Variants in SORCS3 observed in about 807,000 individuals in gnomAD.
SORCS3 encodes the protein VPS10 domain-containing receptor SorCS3.
A neutral mutation model predicts 146.3 loss-of-function variants in SORCS3; 57 were observed. That is an observed-to-expected ratio of 0.39 (90% confidence interval 0.31 to 0.49). The LOEUF (loss-of-function observed/expected upper bound fraction) is 0.49, where lower values mean the gene tolerates loss of function less well. SORCS3 is among the 20% of genes least tolerant of loss of function. SORCS3 has a pLI of 0.92. For synonymous variants in SORCS3, 653 were observed against 618.5 expected (o/e 1.06, Z -0.83); for missense variants, 1,341 against 1,575.5 (o/e 0.85, Z 2.52).
At position 104,957,602 on chromosome 10, in the gene SORCS3, A is replaced by C. The variant is rs1025525118; in HGVS notation, c.796-19733A>C. Among the ~76,000 whole-genome samples the C allele has an allele frequency of 2.7e-5, 4 of 149,856 alleles. No individual in the cohort carries two copies. In the East Asian group the frequency reaches 7.7e-4, roughly 29 times the overall value. On this transcript the variant is annotated intron_variant, in intron 3 of 26. Coordinates refer to ENST00000369701, the MANE Select transcript of SORCS3 (RefSeq NM_014978.3). ...ACACTCAGACCTGTCACTGGGACAA[A>C]ATACAAAACCATCACATTTGGGCTC...
At chr10:104,708,678 T>A (rs893629528) in intron 1 of SORCS3, among the ~76,000 whole-genome samples, 2 of 152,162 alleles carry the variant, frequency 1.3e-5, no homozygotes, top group African/African-American at 4.8e-5. Context: ...CTGGCCACAT[T>A]TCTTCCCCCC....
chr10:104,808,720 C>T (rs2017708439), intron 1 of SORCS3, among the ~76,000 whole-genome samples: 1 of 152,216 alleles, frequency 6.6e-6, no homozygotes, highest in South Asian at 2.1e-4. Context: ...GGTAAATTAA[C>T]TAACATCTAC....
At chr10:104,774,662 T>C (rs1475623946) in intron 1 of SORCS3, among the ~76,000 whole-genome samples, 2 of 152,144 alleles carry the variant, frequency 1.3e-5, no homozygotes, top group African/African-American at 4.8e-5. Flanking sequence ...CTGCAGGTAG[T>C]GAGAAATAAC....
chr10:104,723,194 A>G lies in SORCS3; in HGVS notation c.627+81240A>G, dbSNP rs1312526242. Among the ~76,000 whole-genome samples the G allele has an allele frequency of 2.6e-5, 4 of 152,198 alleles. No homozygotes were observed. The East Asian group carries it at 7.7e-4, about 29-fold the overall frequency. On this transcript the variant is annotated intron_variant, in intron 1 of 26. Coordinates refer to ENST00000369701, the MANE Select transcript of SORCS3 (RefSeq NM_014978.3). Reference sequence around the variant, plus strand: ...GTATGTTGTGTCTTTGTTCTGGTTGATTTCAAAGAACATCTTTATTTCTGC... The same window carrying G: ...GTATGTTGTGTCTTTGTTCTGGTTGGTTTCAAAGAACATCTTTATTTCTGC...
rs567872717 is a variant in SORCS3, at chr10:104,771,230, G to A, written c.628-71562G>A. 2.5e-4 allele frequency among the ~76,000 whole-genome samples: 38 copies of A among 152,358 alleles called. No individual in the cohort carries two copies. In the South Asian group the frequency reaches 7.0e-3, roughly 28 times the overall value. On this transcript the variant is annotated intron_variant, in intron 1 of 26. Transcript: ENST00000369701. ...TCTACTGAATCAGAATTTGCGTTTAGCACTATTCCAGGGGATTCTGCACAT... is the reference window on the plus strand; with the variant it reads ...TCTACTGAATCAGAATTTGCGTTTAACACTATTCCAGGGGATTCTGCACAT...
chr10:105,197,203 A>G (rs537625860), intron 14 of SORCS3, among the ~76,000 whole-genome samples: 1 of 152,208 alleles, frequency 6.6e-6, no homozygotes, highest in Admixed American at 6.6e-5. Flanking sequence ...GCTCCAGGGA[A>G]TAGGAAGTGG....
chr10:104,650,394 G>C (rs927235396), intron 1 of SORCS3, among the ~76,000 whole-genome samples: 47 of 152,342 alleles, frequency 3.1e-4, no homozygotes, highest in African/African-American at 9.6e-4. Context: ...ATTGTGTAGG[G>C]GTTGTATGAT....
At chr10:104,892,286 G>A (rs764291974) in intron 2 of SORCS3, among the ~76,000 whole-genome samples, 23 of 152,180 alleles carry the variant, frequency 1.5e-4, no homozygotes, top group South Asian at 2.1e-4. Flanking sequence ...TATTTTGGCC[G>A]AGGGTGGAAG....
At chr10:104,968,754 A>T (rs555343684) in intron 3 of SORCS3, among the ~76,000 whole-genome samples, 5 of 152,378 alleles carry the variant, frequency 3.3e-5, no homozygotes, top group African/African-American at 1.2e-4. Context: ...TTGAAAGGTA[A>T]GCTTGTGAAT....
At chr10:105,041,732 C>T (rs905133335) in intron 4 of SORCS3, among the ~76,000 whole-genome samples, 7 of 152,128 alleles carry the variant, frequency 4.6e-5, no homozygotes, top group Admixed American at 1.3e-4. Context: ...TTCCAGATGG[C>T]GAAGTTATCC....
intron 2 of SORCS3, among the ~76,000 whole-genome samples, chr10:104,849,584 A>G (rs988242052): frequency 6.6e-6 from 1 of 152,196 alleles, no homozygotes; most frequent in South Asian, 2.1e-4. Flanking sequence ...ACTAGCTATA[A>G]CACCTTGAGC....
chr10:105,209,349 G>T (rs1180938027), intron 16 of SORCS3, among the ~76,000 whole-genome samples: 1 of 151,948 alleles, frequency 6.6e-6, no homozygotes, highest in African/African-American at 2.4e-5. Flanking sequence ...CACCATGTTG[G>T]CCAGGCTGGT....
rs1386635224 is a variant in SORCS3, at chr10:104,842,870, TAG to T, written c.695+15_695+16del. 1.7e-5 allele frequency: 27 copies of T among 1,611,270 alleles called. No individual in the cohort carries two copies. In the Admixed American group the frequency reaches 4.3e-4, roughly 26 times the overall value. On this transcript the variant is annotated intron_variant, in intron 2 of 26. Coordinates refer to ENST00000369701, the MANE Select transcript of SORCS3 (RefSeq NM_014978.3). Reference sequence around the variant, plus strand: ...GAGTTCACTATGGAGGTAAGCAGATTAGAGATTCTTAAGGAGCCACCCTGGCT... The same window carrying T: ...GAGTTCACTATGGAGGTAAGCAGATTAGATTCTTAAGGAGCCACCCTGGCT...
At chr10:104,716,685 A>C (rs1377670865) in intron 1 of SORCS3, among the ~76,000 whole-genome samples, 1 of 152,206 alleles carries the variant, frequency 6.6e-6, no homozygotes, top group Non-Finnish European at 1.5e-5. Flanking sequence ...TTGGGACAAG[A>C]AATCATCTTA....
intron 1 of SORCS3, among the ~76,000 whole-genome samples, chr10:104,834,603 G>A (rs2018044600): frequency 7.4e-6 from 1 of 135,432 alleles, no homozygotes; most frequent in South Asian, 2.6e-4. Context: ...ACCCCTGTGT[G>A]TTTGCACTTT....
chr10:105,197,782 G>A (rs2119607843), intron 14 of SORCS3, among the ~76,000 whole-genome samples: 1 of 152,214 alleles, frequency 6.6e-6, no homozygotes, highest in South Asian at 2.1e-4. Context: ...ATTAAATTAA[G>A]CCTGTCTCTT....
At chr10:105,159,477 A>G (rs755452866) in intron 11 of SORCS3, among the ~76,000 whole-genome samples, 2 of 152,222 alleles carry the variant, frequency 1.3e-5, no homozygotes, top group African/African-American at 2.4e-5. Context: ...GCCTGAGGGC[A>G]AAGGGCAGAA....
intron 3 of SORCS3, among the ~76,000 whole-genome samples, chr10:104,970,485 C>A (rs2054854518): frequency 6.6e-6 from 1 of 152,180 alleles, no homozygotes; most frequent in Non-Finnish European, 1.5e-5. Flanking sequence ...TCTGCGAGCA[C>A]CACAGATGCT....
chr10:104,797,650 C>A (rs1271345466), intron 1 of SORCS3, among the ~76,000 whole-genome samples: 2 of 152,142 alleles, frequency 1.3e-5, no homozygotes, highest in Non-Finnish European at 2.9e-5. Context: ...GTTAAGTAAA[C>A]TGCCTAAAGT....
Sources: gnomAD v4.1 joint callset for allele counts (sites outside exome capture counted in the v4.1 genomes callset) on GRCh38, gnomAD v4.1.1 for gene constraint, MANE v1.5 for transcripts, NCBI Gene and HGNC (gene_info 2026-07-23, HGNC 2026-07-21) for gene names.